CADPS: variants seen among roughly 807,000 people sequenced by gnomAD.
The protein encoded by CADPS is calcium-dependent secretion activator 1.
CADPS carries 57 observed loss-of-function variants against 167.3 expected under a neutral mutation model. That is an observed-to-expected ratio of 0.34 (90% confidence interval 0.28 to 0.42). CADPS has a LOEUF of 0.42. Ranked by LOEUF, CADPS falls within the 20% of genes least tolerant of loss-of-function variation. The pLI is 1.00. For missense variants in CADPS, 1,414 were observed against 1,738.1 expected (o/e 0.81, Z 3.32); for synonymous variants, 676 against 635.3 (o/e 1.06, Z -0.96).
Position 62,491,496 on chromosome 3 carries a change from A to G in CADPS, c.2885-16T>C, listed in dbSNP as rs762945808. The G allele has an allele frequency of 1.8e-5, 29 of 1,611,946 alleles. No homozygotes were observed. In the African/African-American group the frequency reaches 2.7e-4, roughly 15 times the overall value. ...CACAAATTATCTAGAACAGATAAGCAAAAGCTTGTTAAGAACCCACAGCTA... is the reference window on the plus strand; with the variant it reads ...CACAAATTATCTAGAACAGATAAGCGAAAGCTTGTTAAGAACCCACAGCTA... On this transcript the variant is annotated splice_polypyrimidine_tract_variant and intron_variant, in intron 20 of 29. Coordinates refer to ENST00000383710, the MANE Select transcript of CADPS (RefSeq NM_003716.4).
chr3:62,843,984 T>C (rs1303882137), intron 1 of CADPS, among the ~76,000 whole-genome samples: 2 of 152,194 alleles, frequency 1.3e-5, no homozygotes, highest in African/African-American at 2.4e-5. Flanking sequence ...CCCCAAAATC[T>C]AGTCCCTTGG....
intron 24 of CADPS, among the ~76,000 whole-genome samples, chr3:62,473,327 G>T (rs2060855130): frequency 6.6e-6 from 1 of 152,180 alleles, no homozygotes. Context: ...AAAATGGAAG[G>T]TGCTGAAAGA....
chr3:62,797,876 A>G (rs1207280149), intron 1 of CADPS, among the ~76,000 whole-genome samples: 4 of 152,196 alleles, frequency 2.6e-5, no homozygotes, highest in African/African-American at 9.6e-5. Flanking sequence ...TAACAAAAAA[A>G]TCTTTTGAGA....
chr3:62,653,608 G>T (rs1245485163), intron 4 of CADPS, among the ~76,000 whole-genome samples: 1 of 152,042 alleles, frequency 6.6e-6, no homozygotes, highest in Non-Finnish European at 1.5e-5. Context: ...TAATACTCCT[G>T]TTGAATTTTC....
At chr3:62,696,781 C>T (rs957879599) in intron 3 of CADPS, among the ~76,000 whole-genome samples, 1 of 152,050 alleles carries the variant, frequency 6.6e-6, no homozygotes, top group Non-Finnish European at 1.5e-5. Flanking sequence ...TCCAGTAAGG[C>T]ATCCTCATCA....
chr3:62,722,043 C>T (rs947579265), intron 3 of CADPS, among the ~76,000 whole-genome samples: 4 of 152,356 alleles, frequency 2.6e-5, no homozygotes, highest in Admixed American at 6.5e-5. Flanking sequence ...TCATTCAGTG[C>T]TCATAACCAC....
At chr3:62,417,442 A>G (rs2050350914) in intron 28 of CADPS, among the ~76,000 whole-genome samples, 1 of 150,988 alleles carries the variant, frequency 6.6e-6, no homozygotes, top group South Asian at 2.1e-4. Context: ...GTGCCACCCC[A>G]CCTGGCTAAT....
intron 28 of CADPS, among the ~76,000 whole-genome samples, chr3:62,436,735 G>C (rs1470946597): frequency 6.6e-6 from 1 of 152,142 alleles, no homozygotes. Context: ...CATTTGACAT[G>C]AGAGATAAGT....
chr3:62,560,191 T>A lies in CADPS; in HGVS notation c.1645-2678A>T, dbSNP rs143000960. The stretch of plus-strand genomic sequence containing the variant: ...GGAGGGGAGAAAGAATGATTTCTCT[T>A]TGAATGATTCTAATTATTGGAAATT... On this transcript the variant is annotated intron_variant, in intron 9 of 29. Coordinates refer to ENST00000383710, the MANE Select transcript of CADPS (RefSeq NM_003716.4). Among the ~76,000 whole-genome samples the A allele has an allele frequency of 3.8e-3, 575 of 152,328 alleles. 4 individuals are homozygous for A. Among genetic ancestry groups the A allele is most frequent in the African/African-American group, 0.013 (554 of 41,578 alleles).
At chr3:62,734,182 C>G (rs886123759) in intron 3 of CADPS, among the ~76,000 whole-genome samples, 1 of 152,108 alleles carries the variant, frequency 6.6e-6, no homozygotes, top group African/African-American at 2.4e-5. Flanking sequence ...TACCTATGTA[C>G]CCATTCATAA....
rs1000327629 is a variant in CADPS, at chr3:62,583,153, TTG to T, written c.1577+2030_1577+2031del. Among the ~76,000 whole-genome samples the T allele has an allele frequency of 2.5e-4, 16 of 64,040 alleles. No homozygotes were observed. The East Asian group carries it at 5.1e-3, about 20-fold the overall frequency. 42.0% of individuals were successfully genotyped at this position (64,040 alleles called of 152,430 possible). A position where few individuals can be genotyped will look rare whatever the true frequency, so the allele number is the denominator to read the frequency against. On this transcript the variant is annotated intron_variant, in intron 8 of 29. Coordinates refer to ENST00000383710, the MANE Select transcript of CADPS (RefSeq NM_003716.4). ...CTCTCTTTGATCTGCCCTACCCTCT[TTG>T]TCTCTCTCTCTCTCTCTCTCTCTCT... is the stretch of plus-strand genomic sequence containing the variant.
intron 1 of CADPS, among the ~76,000 whole-genome samples, chr3:62,766,727 C>T (rs1442939677): frequency 6.6e-6 from 1 of 152,100 alleles, no homozygotes; most frequent in Non-Finnish European, 1.5e-5. Flanking sequence ...CTAAAAGATT[C>T]CTACTCATTC....
At chr3:62,787,716 T>A (rs140628985) in intron 1 of CADPS, among the ~76,000 whole-genome samples, 2,195 of 152,340 alleles carry the variant, frequency 0.014, 21 homozygotes, top group Non-Finnish European at 0.023. Context: ...GAATTTTGAA[T>A]CTATTGTGAA....
intron 6 of CADPS, among the ~76,000 whole-genome samples, chr3:62,610,398 C>T (rs574017648): frequency 1.3e-5 from 2 of 151,964 alleles, no homozygotes; most frequent in Non-Finnish European, 2.9e-5. Context: ...TTACAGGCAC[C>T]CACCAACAGG....
intron 28 of CADPS, among the ~76,000 whole-genome samples, chr3:62,414,322 C>T (rs1000232986): frequency 6.6e-6 from 1 of 152,176 alleles, no homozygotes; most frequent in Admixed American, 6.5e-5. Context: ...AACAGCTCTC[C>T]ATCCAGAATC....
At position 62,399,523 on chromosome 3, in the gene CADPS, A is replaced by G; in HGVS notation, c.3945T>C (p.Tyr1315=). ...VLDSTLNSKT[Y]ETIRNRLTVE... ...CAGTGAGACGGTTCCGGATCGTTTC[A>G]TAGGTCTTGCTGTTTAAGGTGGAGT... The change falls in exon 30 of 30, where the codon TAT becomes TAC. Residue 1315 remains tyrosine (Y), a synonymous_variant. Transcript: ENST00000383710. This position sits in a 1 kb window ranked among gnomAD's most constrained non-coding sequence, Gnocchi z 5.6. The G allele has an allele frequency of 6.2e-7, 1 of 1,614,110 alleles. No individual in the cohort carries two copies. Among genetic ancestry groups the G allele is most frequent in the Non-Finnish European group, 8.5e-7 (1 of 1,179,990 alleles).
Position 62,421,056 on chromosome 3 carries a change from T to C in CADPS, c.3777+17048A>G, listed in dbSNP as rs1042351301. Among the ~76,000 whole-genome samples the C allele has an allele frequency of 6.6e-6, 1 of 152,118 alleles. No individual in the cohort carries two copies. Among genetic ancestry groups the C allele is most frequent in the African/African-American group, 2.4e-5 (1 of 41,430 alleles). ...GGTGCCCTCGACAGCTACAGATGGTTTGGGATCCACCAGCCAGGAGGTAAG... is the reference window on the plus strand; with the variant it reads ...GGTGCCCTCGACAGCTACAGATGGTCTGGGATCCACCAGCCAGGAGGTAAG... On this transcript the variant is annotated intron_variant, in intron 28 of 29. Transcript: ENST00000383710. This position sits in a 1 kb window ranked among gnomAD's most constrained non-coding sequence, Gnocchi z 4.7.
intron 1 of CADPS, among the ~76,000 whole-genome samples, chr3:62,846,759 G>A (rs112529122): frequency 2.4e-4 from 37 of 152,210 alleles, no homozygotes; most frequent in Non-Finnish European, 4.1e-4. Context: ...CACCTCCAGA[G>A]TTCGAGCAAT....
At chr3:62,464,943 T>C (rs985127918) in intron 26 of CADPS, among the ~76,000 whole-genome samples, 6 of 152,182 alleles carry the variant, frequency 3.9e-5, no homozygotes, top group African/African-American at 1.4e-4. Context: ...AAGAACATAC[T>C]TGACACAGTG....
Sources: allele counts gnomAD v4.1 joint callset (sites outside exome capture counted in the v4.1 genomes callset), GRCh38; gene constraint gnomAD v4.1.1; non-coding constraint Gnocchi (gnomAD v3.1); transcripts MANE v1.5; gene names NCBI Gene and HGNC (gene_info 2026-07-23, HGNC 2026-07-21).